The following SOX5 variants were observed in gnomAD, a reference collection of about 807,000 sequenced individuals.
SOX5 encodes the protein transcription factor SOX-5.
In SOX5, 9 loss-of-function variants were observed where a neutral mutation model predicts 92.0. That is an observed-to-expected ratio of 0.10 (90% CI 0.06 to 0.17). The LOEUF (loss-of-function observed/expected upper bound fraction) is 0.17, where lower values mean the gene tolerates loss of function less well. Among genes scored for constraint, SOX5 ranks in the 10% least tolerant of loss-of-function variants. The probability of loss-of-function intolerance (pLI) is 1.00; values close to 1 mark genes in which losing one functional copy is unlikely to be tolerated. For missense variants in SOX5, 642 were observed against 944.5 expected (o/e 0.68, Z 4.20); for synonymous variants, 344 against 336.3 (o/e 1.02, Z -0.25).
chr12:23,681,308 T>C (rs183050000), intron 6 of SOX5, among the ~76,000 whole-genome samples: 23 of 151,204 alleles, frequency 1.5e-4, no homozygotes, highest in Admixed American at 1.2e-3. Flanking sequence ...AAATAGAAAA[T>C]ATAAAGAATG....
chr12:24,067,167 T>C (rs1450086742), intron 4 of SOX5, among the ~76,000 whole-genome samples: 1 of 152,190 alleles, frequency 6.6e-6, no homozygotes, highest in Non-Finnish European at 1.5e-5. Context: ...GGGTTTGTTT[T>C]TAAAATGAAT....
chr12:23,859,331 G>A (rs1366447551), intron 2 of SOX5, among the ~76,000 whole-genome samples: 2 of 152,130 alleles, frequency 1.3e-5, no homozygotes, highest in African/African-American at 2.4e-5. Flanking sequence ...CCAGGGGTAG[G>A]CCTACAGACG....
At chr12:24,388,032 C>A (rs1958604710) in intron 1 of SOX5, among the ~76,000 whole-genome samples, 2 of 152,142 alleles carry the variant, frequency 1.3e-5, no homozygotes, top group Non-Finnish European at 1.5e-5. Flanking sequence ...TGTCAATATG[C>A]CAGTGGTTAG....
intron 1 of SOX5, among the ~76,000 whole-genome samples, chr12:24,499,196 C>A (rs1947938362): frequency 6.6e-6 from 1 of 152,212 alleles, no homozygotes; most frequent in African/African-American, 2.4e-5. Context: ...GAGGGCATGG[C>A]CCGTGAAACC....
intron 8 of SOX5, among the ~76,000 whole-genome samples, chr12:23,617,477 A>G (rs920924513): frequency 1.3e-5 from 2 of 152,204 alleles, no homozygotes; most frequent in African/African-American, 4.8e-5. Flanking sequence ...ATCACCAAAT[A>G]TTAATAATAC....
intron 4 of SOX5, among the ~76,000 whole-genome samples, chr12:24,069,980 A>G (rs1220571746): frequency 1.3e-5 from 2 of 152,172 alleles, no homozygotes; most frequent in African/African-American, 4.8e-5. Flanking sequence ...GGGAGGAGCT[A>G]GCCAGGCCTA....
intron 2 of SOX5, chr12:24,331,344 C>T (rs1951280355): frequency 1.3e-5 from 2 of 152,174 alleles, no homozygotes; most frequent in Admixed American, 6.5e-5. Context: ...TTTCTATTGC[C>T]TCATTCTTGA....
At chr12:23,794,193 G>A (rs2095524207) in intron 3 of SOX5, among the ~76,000 whole-genome samples, 1 of 151,952 alleles carries the variant, frequency 6.6e-6, no homozygotes, top group Non-Finnish European at 1.5e-5. Flanking sequence ...TTTAATTGGT[G>A]TGCTGTTTAC....
chr12:23,695,801 C>T (rs993059380), intron 6 of SOX5, among the ~76,000 whole-genome samples: 1 of 151,466 alleles, frequency 6.6e-6, no homozygotes, highest in Non-Finnish European at 1.5e-5. Flanking sequence ...ATTAGCTGGG[C>T]CCGGTGGCGG....
chr12:23,824,716 C>T (rs933458477), intron 3 of SOX5, among the ~76,000 whole-genome samples: 2 of 152,176 alleles, frequency 1.3e-5, no homozygotes, highest in African/African-American at 4.8e-5. Context: ...AGCTCAGTCC[C>T]AGGGAGAGAG....
At chr12:23,743,036 T>TAAATG (rs1555308918) in intron 4 of SOX5, among the ~76,000 whole-genome samples, 1 of 152,120 alleles carries the variant, frequency 6.6e-6, no homozygotes, top group East Asian at 1.9e-4. Flanking sequence ...AGAAACAACC[T>TAAATG]AAATGTCAAA....
intron 4 of SOX5, among the ~76,000 whole-genome samples, chr12:24,042,108 G>C (rs11047224): frequency 0.096 from 14,572 of 151,918 alleles, 1,353 homozygotes; most frequent in African/African-American, 0.24. Flanking sequence ...AATCATTTGA[G>C]TATATTTCTT....
At chr12:24,494,567 G>A (rs1048876782) in intron 1 of SOX5, among the ~76,000 whole-genome samples, 2 of 152,074 alleles carry the variant, frequency 1.3e-5, no homozygotes, top group Admixed American at 6.6e-5. Context: ...ATTCCAACGA[G>A]CATTCAACTT....
At chr12:24,080,458 C>G (rs976548441) in intron 4 of SOX5, among the ~76,000 whole-genome samples, 8 of 152,032 alleles carry the variant, frequency 5.3e-5, no homozygotes, top group Non-Finnish European at 1.0e-4. Flanking sequence ...ACATCACGCT[C>G]TTAAAAAGAT....
chr12:24,501,426 G>A (rs935514882), intron 1 of SOX5, among the ~76,000 whole-genome samples: 3 of 150,810 alleles, frequency 2.0e-5, no homozygotes, highest in Non-Finnish European at 2.9e-5. Flanking sequence ...TACTCCAAAC[G>A]CATGTATATA....
At chr12:24,227,485 A>G (rs1289480770) in intron 3 of SOX5, 3 of 152,206 alleles carry the variant, frequency 2.0e-5, no homozygotes, top group Non-Finnish European at 4.4e-5. Context: ...CAGAGGTTCT[A>G]TTAAAGAATG....
At chr12:23,949,789 TC>T, upstream of SOX5, 1 of 517,794 alleles carries the variant, frequency 1.9e-6, no homozygotes, top group Non-Finnish European at 3.2e-6. Flanking sequence ...TCTCTCTCTC[TC>T]TCTTTCTCCC....
chr12:23,677,634 G>T (rs1164722412), intron 6 of SOX5, among the ~76,000 whole-genome samples: 1 of 151,766 alleles, frequency 6.6e-6, no homozygotes, highest in Non-Finnish European at 1.5e-5. Context: ...CTTAAACTCT[G>T]TGCATTATTC....
In SOX5 at chr12:23,617,465, C is replaced by T. The variant is rs1288408389; in HGVS notation, c.1018-12932G>A. 2.0e-5 allele frequency among the ~76,000 whole-genome samples: 3 copies of T among 152,118 alleles called. No homozygotes were observed. The East Asian group carries it at 5.8e-4, about 29-fold the overall frequency. On this transcript the variant is annotated intron_variant, in intron 8 of 14. Transcript: ENST00000451604. ...ATATAATGTAATTTATTTAAAGCTG[C>T]TATCACCAAATATTAATAATACATA...
Sources: gnomAD v4.1 joint callset for allele counts (sites outside exome capture counted in the v4.1 genomes callset) on GRCh38, gnomAD v4.1.1 for gene constraint, MANE v1.5 for transcripts, NCBI Gene and HGNC (gene_info 2026-07-23, HGNC 2026-07-21) for gene names.